FAT4: variants seen among roughly 807,000 people sequenced by gnomAD.
The protein encoded by FAT4 is FAT atypical cadherin 4.
FAT4 carries 84 observed loss-of-function variants against 303.9 expected under a neutral mutation model. That is an observed-to-expected ratio of 0.28 (90% CI 0.23 to 0.33). The LOEUF is 0.33. FAT4 is among the 10% of genes least tolerant of loss of function. FAT4 has a pLI of 1.00. For missense variants in FAT4, 6,005 were observed against 6,146.8 expected, an observed-to-expected ratio of 0.98 and a Z score of 0.77; for synonymous variants, 2,307 against 2,298.8, an observed-to-expected ratio of 1.00 and a Z score of -0.10.
Position 125,491,466 on chromosome 4 carries a change from G to A in FAT4, c.14650G>A (p.Asp4884Asn), listed in dbSNP as rs764521559. 6.2e-7 allele frequency: 1 copy of A among 1,614,196 alleles called. No homozygotes were observed. Among genetic ancestry groups the A allele is most frequent in the Non-Finnish European group, 8.5e-7 (1 of 1,180,030 alleles). ...CAATGAATCTGATGCAGATGATGAA[G>A]ATAATTATGGAGCCAGACTGAAGCC... ...QVNESDADDE[D>N]NYGARLKPRR... is the part of the protein sequence containing the mutation. Residue 4884 changes from aspartate to asparagine, a missense_variant, in exon 18 of 18, where the codon GAT becomes AAT. Physicochemically the swap from Asp to Asn is conservative, Grantham distance 23. Transcript: ENST00000394329.
chr4:125,338,442 A>G (rs1731653430), intron 2 of FAT4, among the ~76,000 whole-genome samples: 1 of 152,162 alleles, frequency 6.6e-6, no homozygotes, highest in Non-Finnish European at 1.5e-5. Flanking sequence ...CCAGTATTCA[A>G]TATGCGAGCT....
intron 8 of FAT4, among the ~76,000 whole-genome samples, chr4:125,435,835 C>A (rs1166244104): frequency 2.0e-5 from 3 of 152,054 alleles, no homozygotes; most frequent in Non-Finnish European, 4.4e-5. Flanking sequence ...GACACATAAA[C>A]TGGTCTACAT....
Position 125,319,100 on chromosome 4 carries a change from A to G in FAT4, c.2689A>G (p.Ile897Val), listed in dbSNP as rs112101185. 4.1e-5 allele frequency: 66 copies of G among 1,614,126 alleles called. No homozygotes were observed. The African/African-American group carries it at 5.9e-4, about 14-fold the overall frequency. Reference protein sequence around the residue: ...NDNSPHFLQAIESVNVVENWQ... With the variant: ...NDNSPHFLQAVESVNVVENWQ... ...CAACTCTCCCCATTTCCTTCAGGCA[A>G]TAGAGAGTGTAAATGTGGTGGAGAA... The change falls in exon 2 of 18, where the codon ATA (isoleucine) becomes GTA (valine). Residue 897 changes from isoleucine to valine, a missense_variant. Transcript: ENST00000394329.
chr4:125,361,353 T>C (rs1482718239), intron 2 of FAT4, among the ~76,000 whole-genome samples: 7 of 152,192 alleles, frequency 4.6e-5, no homozygotes, highest in African/African-American at 1.7e-4. Flanking sequence ...ATGAGATCCA[T>C]CAAATTGTTA....
intron 7 of FAT4, among the ~76,000 whole-genome samples, chr4:125,416,982 C>T (rs1195788797): frequency 2.0e-5 from 3 of 152,044 alleles, no homozygotes; most frequent in Non-Finnish European, 2.9e-5. Flanking sequence ...ATAATTTCTT[C>T]ATAATATGAG....
intron 2 of FAT4, among the ~76,000 whole-genome samples, chr4:125,370,333 A>C (rs2125991126): frequency 6.6e-6 from 1 of 152,334 alleles, no homozygotes; most frequent in African/African-American, 2.4e-5. Context: ...AGACAGTTCC[A>C]AATTTCCAGA....
intron 2 of FAT4, among the ~76,000 whole-genome samples, chr4:125,326,258 C>CA (rs1477880440): frequency 6.6e-6 from 1 of 151,786 alleles, no homozygotes; most frequent in African/African-American, 2.4e-5. Context: ...GTTTTGGATA[C>CA]AAACGTTAGA....
At chr4:125,440,911 T>C (rs2126049873) in intron 8 of FAT4, among the ~76,000 whole-genome samples, 1 of 152,286 alleles carries the variant, frequency 6.6e-6, no homozygotes, top group African/African-American at 2.4e-5. Context: ...ATCCCCTCTC[T>C]TATACTCAAT....
chr4:125,344,404 G>A (rs1013697496), intron 2 of FAT4, among the ~76,000 whole-genome samples: 1 of 152,004 alleles, frequency 6.6e-6, no homozygotes, highest in African/African-American at 2.4e-5. Flanking sequence ...GTTTACTGAA[G>A]TGGAGATTAT....
chr4:125,373,035 T>C (rs972094989), intron 2 of FAT4, among the ~76,000 whole-genome samples: 2 of 152,182 alleles, frequency 1.3e-5, no homozygotes, highest in Non-Finnish European at 2.9e-5. Context: ...AATAAAACAT[T>C]ACCTTTTATT....
chr4:125,423,639 C>T (rs1310225421), intron 7 of FAT4, among the ~76,000 whole-genome samples: 1 of 152,238 alleles, frequency 6.6e-6, no homozygotes, highest in African/African-American at 2.4e-5. Context: ...AGAAGGCCAG[C>T]ATCCTCCAGA....
At chr4:125,469,695 G>A (rs1726793232) in intron 12 of FAT4, among the ~76,000 whole-genome samples, 1 of 151,990 alleles carries the variant, frequency 6.6e-6, no homozygotes, top group Non-Finnish European at 1.5e-5. Context: ...CACATCTTCG[G>A]GCTTCACTTC....
chr4:125,381,747 T>A (rs1313822289), intron 2 of FAT4, among the ~76,000 whole-genome samples: 1 of 152,162 alleles, frequency 6.6e-6, no homozygotes, highest in African/African-American at 2.4e-5. Context: ...ATGAAAGATT[T>A]CTCTGTAGCA....
At position 125,449,901 on chromosome 4, in the gene FAT4, C is replaced by T. The variant is rs377352649; in HGVS notation, c.8891C>T (p.Ser2964Phe). Residue 2964 changes from serine to phenylalanine, a missense_variant, in exon 10 of 18, where the codon TCC (serine) becomes TTC (phenylalanine). Ser to Phe is a radical substitution (Grantham distance 155). Coordinates refer to ENST00000394329, the MANE Select transcript of FAT4 (RefSeq NM_001291303.3). ...IVTSSDRGKP[S>F]LISETTVTIN... ...ACATCTTCAGATCGAGGTAAACCTT[C>T]CTTAATTAGTGAGACAACAGTTACC... 1.1e-5 allele frequency: 17 copies of T among 1,613,772 alleles called. No individual in the cohort carries two copies. Among genetic ancestry groups the T allele is most frequent in the Non-Finnish European group, 1.4e-5 (16 of 1,179,914 alleles).
intron 2 of FAT4, among the ~76,000 whole-genome samples, chr4:125,385,172 C>T (rs1308984135): frequency 6.6e-6 from 1 of 151,592 alleles, no homozygotes; most frequent in Non-Finnish European, 1.5e-5. Context: ...CAGGCTCCCG[C>T]CACCACACCT....
chr4:125,480,274 TCAAAACA>T (rs1727181690), intron 15 of FAT4, among the ~76,000 whole-genome samples: 1 of 152,132 alleles, frequency 6.6e-6, no homozygotes, highest in African/African-American at 2.4e-5. Flanking sequence ...AACACTGAGA[TCAAAACA>T]TCATACAGAG....
intron 12 of FAT4, among the ~76,000 whole-genome samples, chr4:125,475,933 T>G (rs899775045): frequency 2.0e-5 from 3 of 152,164 alleles, no homozygotes; most frequent in African/African-American, 7.2e-5. Flanking sequence ...GAGAGGATTT[T>G]TAAAGGTACC....
rs139064767 is a variant in FAT4, at chr4:125,450,716, C to G, written c.9706C>G (p.Gln3236Glu). The G allele has an allele frequency of 6.2e-7, 1 of 1,613,912 alleles. No individual in the cohort carries two copies. Among genetic ancestry groups the G allele is most frequent in the Non-Finnish European group, 8.5e-7 (1 of 1,179,984 alleles). Residue 3236 changes from glutamine to glutamate, a missense_variant, in exon 10 of 18, where the codon CAG (glutamine) becomes GAG (glutamate). Physicochemically the swap from Gln to Glu is conservative, Grantham distance 29. Coordinates refer to ENST00000394329, the MANE Select transcript of FAT4 (RefSeq NM_001291303.3). ...AAATGCTGTGATTGCGTATACTGTACAGTCATCTGACAGTGACCTCTTTGT... is the reference window on the plus strand; with the variant it reads ...AAATGCTGTGATTGCGTATACTGTAGAGTCATCTGACAGTGACCTCTTTGT... ...GTNAVIAYTV[Q>E]SSDSDLFVID...
Position 125,416,511 on chromosome 4 carries a change from A to C in FAT4, c.6907A>C (p.Asn2303His), listed in dbSNP as rs1295496746. 1.2e-6 allele frequency: 2 copies of C among 1,613,918 alleles called. No individual in the cohort carries two copies. The change falls in exon 7 of 18, where the codon AAT becomes CAT. Residue 2303 changes from asparagine (N) to histidine (H), a missense_variant. By Grantham distance (68) the Asn-to-His change is moderately conservative. Transcript: ENST00000394329. ...SKLSYVLFGG[N>H]EDNAFTLSAS... is the part of the protein sequence containing the mutation. ...ACTCTCATATGTTCTGTTTGGTGGT[A>C]ATGAAGACAATGCTTTTACTCTCTC...
Sources: allele counts gnomAD v4.1 joint callset (sites outside exome capture counted in the v4.1 genomes callset), GRCh38; gene constraint gnomAD v4.1.1; transcripts MANE v1.5; gene names NCBI Gene and HGNC (gene_info 2026-07-23, HGNC 2026-07-21).